Variants in HHLA1 observed in about 807,000 individuals in gnomAD.
The protein encoded by HHLA1 is HHLA1 neighbor of OC90, also known as HERV-H LTR-associating protein 1.
HHLA1 carries 72 observed loss-of-function variants against 69.9 expected under a neutral mutation model. That is an observed-to-expected ratio of 1.03 (90% CI 0.85 to 1.25). HHLA1 has a LOEUF of 1.25. Ranked by LOEUF, HHLA1 falls within the 50% of genes most tolerant of loss-of-function variation. HHLA1 has a pLI of 0.00. For missense variants in HHLA1, 685 were observed against 642.2 expected, an observed-to-expected ratio of 1.07 and a Z score of -0.72; for synonymous variants, 252 against 233.2, an observed-to-expected ratio of 1.08 and a Z score of -0.73.
chr8:132,099,686 G>T (rs2116463), intron 4 of HHLA1, among the ~76,000 whole-genome samples: 67,212 of 151,458 alleles, frequency 0.44, 15,412 homozygotes, highest in East Asian at 0.56. Flanking sequence ...AAACCCCATA[G>T]CTACTAAAAA....
At chr8:132,079,636 G>A (rs1823704700) in intron 11 of HHLA1, 82 bp downstream of exon 11, 1 of 1,402,056 alleles carries the variant, frequency 7.1e-7, no homozygotes, top group Non-Finnish European at 9.5e-7. Context: ...ATTAAGGTAA[G>A]GATTTTGCTT....
At chr8:132,065,514 C>T (rs879667386) in intron 16 of HHLA1, among the ~76,000 whole-genome samples, 89 of 152,316 alleles carry the variant, frequency 5.8e-4, no homozygotes, top group Non-Finnish European at 6.9e-4. Context: ...GATCTCCTGA[C>T]CTCGTGATCC....
At chr8:132,087,383 A>T (rs1228596325) in intron 10 of HHLA1, among the ~76,000 whole-genome samples, 1 of 152,180 alleles carries the variant, frequency 6.6e-6, no homozygotes, top group Non-Finnish European at 1.5e-5. Context: ...TATGGAAAAG[A>T]AGGAAAAGGT....
At chr8:132,100,210 A>C in intron 3 of HHLA1, 76 bp from the exon 4 acceptor site, 1 of 1,128,706 alleles carries the variant, frequency 8.9e-7, no homozygotes, top group Non-Finnish European at 1.3e-6. Context: ...GAAGCCTTGG[A>C]AGCCTCTTTG....
intron 15 of HHLA1, chr8:132,070,370 T>A: frequency 2.8e-6 from 2 of 702,040 alleles, no homozygotes; most frequent in Non-Finnish European, 5.2e-6. Flanking sequence ...TGGTAGGGAT[T>A]TATGAAAGAA....
At chr8:132,091,887 G>A (rs891057503) in intron 7 of HHLA1, among the ~76,000 whole-genome samples, 6 of 152,046 alleles carry the variant, frequency 3.9e-5, no homozygotes, top group East Asian at 1.9e-4. Flanking sequence ...TCTATTTTGC[G>A]GGCTTTATTC....
In HHLA1 at chr8:132,077,782, GGC is replaced by G; in HGVS notation, c.1113_1114del (p.Pro372CysfsTer3). The G allele has an allele frequency of 6.4e-7, 1 of 1,551,694 alleles. No individual in the cohort carries two copies. Among genetic ancestry groups the G allele is most frequent in the Non-Finnish European group, 8.7e-7 (1 of 1,146,984 alleles). ...AGGTGTGGCCATTATCTCAGCAGCA[GGC>G]GCCAAAAGGCTTGTAGTGTTCATGG... On this transcript the variant is annotated frameshift_variant, in exon 12 of 17. Transcript: ENST00000414222. LOFTEE classifies it high-confidence loss of function.
intron 13 of HHLA1, 32 bp downstream of exon 13, chr8:132,076,443 C>T: frequency 7.2e-7 from 1 of 1,392,402 alleles, no homozygotes. Flanking sequence ...TCCCCCACCC[C>T]CAAACCCCCA....
At chr8:132,089,237 C>T (rs1158736007) in intron 8 of HHLA1, among the ~76,000 whole-genome samples, 1 of 152,170 alleles carries the variant, frequency 6.6e-6, no homozygotes, top group Non-Finnish European at 1.5e-5. Flanking sequence ...TATATCTACT[C>T]ACCAGATGTT....
chr8:132,103,948 A>G (rs931152237), intron 3 of HHLA1, 160 bp downstream of exon 3: 10 of 589,082 alleles, frequency 1.7e-5, no homozygotes, highest in Admixed American at 6.1e-5. Flanking sequence ...TCAATGAACC[A>G]TAAAGAAATG....
intron 10 of HHLA1, chr8:132,085,534 G>C (rs181191426): frequency 5.4e-5 from 16 of 298,034 alleles, no homozygotes; most frequent in Non-Finnish European, 9.2e-5. Context: ...CCCCCGATCC[G>C]AGTGACGGCA....
chr8:132,069,501 T>C (rs1424497468), intron 15 of HHLA1, among the ~76,000 whole-genome samples: 1 of 152,174 alleles, frequency 6.6e-6, no homozygotes, highest in Non-Finnish European at 1.5e-5. Flanking sequence ...TCAGTGAAAA[T>C]ACACAGAAAA....
chr8:132,086,277 C>CTA (rs1823860877), intron 10 of HHLA1, among the ~76,000 whole-genome samples: 1 of 152,154 alleles, frequency 6.6e-6, no homozygotes, highest in African/African-American at 2.4e-5. Flanking sequence ...AAAGACTGGC[C>CTA]TATAGTCTGG....
At chr8:132,093,582 C>G (rs933227314) in intron 7 of HHLA1, among the ~76,000 whole-genome samples, 3 of 152,182 alleles carry the variant, frequency 2.0e-5, no homozygotes, top group African/African-American at 7.2e-5. Flanking sequence ...GCAAAAGTTG[C>G]TATGACCTAC....
intron 3 of HHLA1, 133 bp downstream of exon 3, chr8:132,103,975 C>A (rs1824159841): frequency 6.2e-6 from 4 of 644,460 alleles, no homozygotes; most frequent in African/African-American, 3.7e-5. Context: ...TCACAGGAAC[C>A]ATTGTTGTGA....
intron 3 of HHLA1, among the ~76,000 whole-genome samples, chr8:132,101,482 C>T (rs982483106): frequency 1.3e-5 from 2 of 152,068 alleles, no homozygotes. Flanking sequence ...ACTCTTTGTC[C>T]ATGTTCTTCT....
chr8:132,082,683 C>G (rs2116461), intron 10 of HHLA1, among the ~76,000 whole-genome samples: 40,564 of 151,782 alleles, frequency 0.27, 5,980 homozygotes, highest in Admixed American at 0.37. Flanking sequence ...GAGGCTGGGA[C>G]GAGGGGTGCA....
chr8:132,092,448 T>G (rs190152502), intron 7 of HHLA1, among the ~76,000 whole-genome samples: 4 of 152,292 alleles, frequency 2.6e-5, no homozygotes, highest in Non-Finnish European at 4.4e-5. Flanking sequence ...ATGCTGGAGG[T>G]GAGGCGTGGT....
chr8:132,082,543 G>T (rs905814345), intron 10 of HHLA1, among the ~76,000 whole-genome samples: 19 of 152,102 alleles, frequency 1.2e-4, no homozygotes, highest in African/African-American at 4.3e-4. Context: ...GCCGAGATAG[G>T]TAACAGATGA....
Sources: gnomAD v4.1 joint callset for allele counts (sites outside exome capture counted in the v4.1 genomes callset) on GRCh38, gnomAD v4.1.1 for gene constraint, MANE v1.5 for transcripts, NCBI Gene and HGNC (gene_info 2026-07-23, HGNC 2026-07-21) for gene names.